Variants in SETD4 observed in about 807,000 individuals in gnomAD.
SETD4 encodes SET domain-containing protein 4.
SETD4 carries 46 observed loss-of-function variants against 58.3 expected under a neutral mutation model. That is an observed-to-expected ratio of 0.79 (90% CI 0.62 to 1.01). The LOEUF is 1.01. Ranked by LOEUF, SETD4 falls within the 50% of genes least tolerant of loss-of-function variation. The probability of loss-of-function intolerance (pLI) is 0.00; values close to 1 mark genes in which losing one functional copy is unlikely to be tolerated. For missense variants in SETD4, 490 were observed against 523.3 expected (o/e 0.94, Z 0.62); for synonymous variants, 190 against 202.6 (o/e 0.94, Z 0.53).
At chr21:36,059,060 T>C (rs1364901622) in intron 1 of SETD4, 136 bp from the exon 2 acceptor site, 1 of 1,077,990 alleles carries the variant, frequency 9.3e-7, no homozygotes, top group Non-Finnish European at 1.3e-6. Flanking sequence ...AATGTATGTT[T>C]TGGTAAACTG....
At chr21:36,039,902 T>C (rs1191606612) in intron 9 of SETD4, among the ~76,000 whole-genome samples, 3 of 152,202 alleles carry the variant, frequency 2.0e-5, no homozygotes, top group Admixed American at 6.5e-5. Flanking sequence ...TCTCAGTCAG[T>C]CCTCCCAACT....
intron 3 of SETD4, among the ~76,000 whole-genome samples, chr21:36,056,652 G>A (rs933221991): frequency 4.6e-5 from 7 of 152,062 alleles, no homozygotes; most frequent in African/African-American, 1.4e-4. Context: ...TCAGCCTCCC[G>A]GGCTCAAGCA....
In SETD4 at chr21:36,035,963, G is replaced by A. The variant is rs957169196; in HGVS notation, c.*33-3C>T. Reference sequence around the variant, plus strand: ...CTCTTCAAAATTAACTTTTGTTTCTGTAGGAAAAGCAAAAGGAAAAGGATT... The same window carrying A: ...CTCTTCAAAATTAACTTTTGTTTCTATAGGAAAAGCAAAAGGAAAAGGATT... On this transcript the variant is annotated splice_region_variant and splice_polypyrimidine_tract_variant and intron_variant, in intron 11 of 11. Coordinates refer to ENST00000332131, the MANE Select transcript of SETD4 (RefSeq NM_017438.5). 2.3e-5 allele frequency: 24 copies of A among 1,061,238 alleles called. No individual in the cohort carries two copies. In the Admixed American group the frequency reaches 5.5e-4, roughly 24 times the overall value. 65.7% of individuals were successfully genotyped at this position (1,061,238 alleles called of 1,614,324 possible). A position where few individuals can be genotyped will look rare whatever the true frequency, so the allele number is the denominator to read the frequency against.
intron 8 of SETD4, 100 bp downstream of exon 8, chr21:36,041,707 A>T: frequency 2.7e-6 from 2 of 741,060 alleles, no homozygotes; most frequent in Non-Finnish European, 4.4e-6. Flanking sequence ...CAGCTGATAC[A>T]GGGTCAGGAG....
intron 4 of SETD4, among the ~76,000 whole-genome samples, chr21:36,049,975 A>T (rs928213501): frequency 1.3e-5 from 2 of 152,212 alleles, no homozygotes; most frequent in African/African-American, 4.8e-5. Flanking sequence ...AATGTACTTA[A>T]TACTACTGAA....
chr21:36,053,541 A>T (rs1286656207), intron 4 of SETD4, 42 bp downstream of exon 4: 1 of 1,610,502 alleles, frequency 6.2e-7, no homozygotes, highest in Admixed American at 1.7e-5. Context: ...ACAAAGCAGC[A>T]AAATCTACAT....
chr21:36,059,224 T>C (rs535079186), intron 1 of SETD4: 49 of 168,050 alleles, frequency 2.9e-4, no homozygotes, highest in Non-Finnish European at 5.3e-4. Context: ...ATACAAAAAA[T>C]AGCTAGGCGT....
intron 4 of SETD4, among the ~76,000 whole-genome samples, chr21:36,051,529 C>T (rs542223561): frequency 1.3e-5 from 2 of 152,254 alleles, no homozygotes; most frequent in East Asian, 1.9e-4. Context: ...GGGAGATAGA[C>T]GAGACCCCCG....
chr21:36,057,528 A>G, intron 2 of SETD4: 1 of 534,340 alleles, frequency 1.9e-6, no homozygotes, highest in Non-Finnish European at 3.4e-6. Context: ...ACCACTGTAC[A>G]TGTGATCCAT....
Position 36,045,768 on chromosome 21 carries a change from C to T in SETD4, c.540G>A (p.Leu180=), listed in dbSNP as rs2064296529. The change falls in exon 6 of 12, where the codon CTG becomes CTA. Residue 180 remains leucine (L), a synonymous_variant. Coordinates refer to ENST00000332131, the MANE Select transcript of SETD4 (RefSeq NM_017438.5). ...CAACAGCCTCCGCAAACAGAGGCTGCAGAGAAGAGAAAAAGTCTCTGGAGG... is the reference window on the plus strand; with the variant it reads ...CAACAGCCTCCGCAAACAGAGGCTGTAGAGAAGAGAAAAAGTCTCTGGAGG... ...FASSRDFFSS[L]QPLFAEAVDS... is the part of the protein sequence containing the mutation. 1.2e-6 allele frequency: 2 copies of T among 1,614,092 alleles called. No homozygotes were observed. The highest frequency in any genetic ancestry group is 1.7e-6 in the Non-Finnish European group (2 of 1,180,050).
Position 36,048,403 on chromosome 21 carries a change from A to G in SETD4, c.208-7T>C. 1.2e-6 allele frequency: 2 copies of G among 1,613,744 alleles called. No homozygotes were observed. The highest frequency in any genetic ancestry group is 4.5e-5 in the East Asian group (2 of 44,872). On this transcript the variant is annotated splice_region_variant and splice_polypyrimidine_tract_variant and intron_variant, in intron 4 of 11. Coordinates refer to ENST00000332131, the MANE Select transcript of SETD4 (RefSeq NM_017438.5). ...AAATAATCATCTGTCCCTCCTGGCC[A>G]AAAGGAAAGTAAAGTTGAGGACGCC... is the stretch of plus-strand genomic sequence containing the variant.
chr21:36,040,712 T>C (rs912844805), intron 8 of SETD4, 57 bp from the exon 9 acceptor site: 7 of 1,481,976 alleles, frequency 4.7e-6, no homozygotes, highest in East Asian at 4.5e-5. Context: ...CATGACCTCA[T>C]AGCAAATGAC....
Position 36,057,017 on chromosome 21 carries a change from A to G in SETD4, c.169+92T>C, listed in dbSNP as rs533030162. On this transcript the variant is annotated intron_variant, in intron 3 of 11. Coordinates refer to ENST00000332131, the MANE Select transcript of SETD4 (RefSeq NM_017438.5). ...ACACATGCAAACCAGCTGAAGGACA[A>G]TATCTGCTGAGGCCCACCTGCAAGA... is the stretch of plus-strand genomic sequence containing the variant. The G allele has an allele frequency of 2.6e-3, 2,518 of 969,526 alleles. 7 individuals are homozygous for G. The highest frequency in any genetic ancestry group is 3.2e-3 in the Non-Finnish European group (1,920 of 604,648). 60.1% of individuals were successfully genotyped at this position (969,526 alleles called of 1,614,324 possible). A position where few individuals can be genotyped will look rare whatever the true frequency, so the allele number is the denominator to read the frequency against.
In SETD4 at chr21:36,058,878, C is replaced by G; in HGVS notation, c.11G>C (p.Gly4Ala). The change falls in exon 2 of 12, where the codon GGA (glycine) becomes GCA (alanine). Residue 4 changes from glycine to alanine, a missense_variant. Physicochemically the swap from Gly to Ala is moderately conservative, Grantham distance 60. Coordinates refer to ENST00000332131, the MANE Select transcript of SETD4 (RefSeq NM_017438.5). Reference protein sequence around the residue: MQKGKGRTSRIRRR... With the variant: MQKAKGRTSRIRRR... ...TCTGATCCGGCTTGTTCTCCCTTTTCCTTTCTGCATGCTAAAACTGTAGTT... is the reference window on the plus strand; with the variant it reads ...TCTGATCCGGCTTGTTCTCCCTTTTGCTTTCTGCATGCTAAAACTGTAGTT... 6.3e-7 allele frequency: 1 copy of G among 1,599,774 alleles called. No homozygotes were observed. Among genetic ancestry groups the G allele is most frequent in the Admixed American group, 1.7e-5 (1 of 57,244 alleles).
intron 2 of SETD4, among the ~76,000 whole-genome samples, chr21:36,057,792 G>A (rs935085826): frequency 3.9e-5 from 6 of 152,196 alleles, no homozygotes; most frequent in Non-Finnish European, 4.4e-5. Context: ...AAAATAGGAA[G>A]AGGTCCACAC....
At chr21:36,050,744 T>C in intron 4 of SETD4, 2 of 1,612,602 alleles carry the variant, frequency 1.2e-6, no homozygotes, top group Admixed American at 1.7e-5. Context: ...ATAAGCACCA[T>C]TTGGCTGATC....
At chr21:36,058,519 A>G (rs905176917) in intron 2 of SETD4, among the ~76,000 whole-genome samples, 11 of 139,344 alleles carry the variant, frequency 7.9e-5, no homozygotes, top group Non-Finnish European at 6.3e-5. Flanking sequence ...AAAAAAAAAA[A>G]AAGAAAGATT....
intron 4 of SETD4, chr21:36,050,317 G>A (rs1346913012): frequency 6.2e-7 from 1 of 1,612,462 alleles, no homozygotes; most frequent in Non-Finnish European, 8.5e-7. Flanking sequence ...AAGGCCAAAT[G>A]TTGTGAGGAG....
At chr21:36,044,416 C>A (rs2064207960) in intron 6 of SETD4, among the ~76,000 whole-genome samples, 1 of 152,252 alleles carries the variant, frequency 6.6e-6, no homozygotes, top group Non-Finnish European at 1.5e-5. Context: ...CACACGCCCA[C>A]AGGCTGTAGT....
Sources: gnomAD v4.1 joint callset for allele counts (sites outside exome capture counted in the v4.1 genomes callset) on GRCh38, gnomAD v4.1.1 for gene constraint, MANE v1.5 for transcripts, NCBI Gene and HGNC (gene_info 2026-07-23, HGNC 2026-07-21) for gene names.